Variants in SLC35F3 observed in about 807,000 individuals in gnomAD.
The protein encoded by SLC35F3 is solute carrier family 35 member F3.
In SLC35F3, 25 loss-of-function variants were observed where a neutral mutation model predicts 49.9. The observed-to-expected ratio is 0.50, with a 90% CI of 0.37 to 0.70. The LOEUF (loss-of-function observed/expected upper bound fraction) is 0.70, where lower values mean the gene tolerates loss of function less well. Ranked by LOEUF, SLC35F3 falls within the 30% of genes least tolerant of loss-of-function variation. The pLI is 0.00. For missense variants in SLC35F3, 525 were observed against 639.8 expected (o/e 0.82, Z 1.94); for synonymous variants, 275 against 265.4 (o/e 1.04, Z -0.35).
At chr1:234,023,570 T>A (rs533884807) in intron 2 of SLC35F3, among the ~76,000 whole-genome samples, 2 of 151,994 alleles carry the variant, frequency 1.3e-5, no homozygotes, top group African/African-American at 2.4e-5. Flanking sequence ...AGATAGACAC[T>A]CCACTCTCAA....
chr1:233,960,636 T>C (rs1463013024), intron 2 of SLC35F3, among the ~76,000 whole-genome samples: 1 of 152,208 alleles, frequency 6.6e-6, no homozygotes, highest in East Asian at 1.9e-4. Context: ...AGTTAGATCA[T>C]TTCTCATATT....
chr1:234,242,226 T>G (rs904767082), intron 3 of SLC35F3, among the ~76,000 whole-genome samples: 1 of 152,240 alleles, frequency 6.6e-6, no homozygotes, highest in Non-Finnish European at 1.5e-5. Context: ...TGTGTCTACT[T>G]CAAGCATGAA....
intron 2 of SLC35F3, among the ~76,000 whole-genome samples, chr1:234,095,998 C>T (rs1665111452): frequency 6.6e-6 from 1 of 152,160 alleles, no homozygotes; most frequent in African/African-American, 2.4e-5. Context: ...AGAGATTTTG[C>T]TTCCATTTCT....
intron 2 of SLC35F3, among the ~76,000 whole-genome samples, chr1:234,096,885 CTTTT>C (rs34404610): frequency 7.6e-6 from 1 of 132,102 alleles, no homozygotes. Context: ...TTGTTAAATT[CTTTT>C]TTTTTTTTTT....
chr1:233,944,124 A>G (rs1232376236), intron 2 of SLC35F3, among the ~76,000 whole-genome samples: 1 of 152,188 alleles, frequency 6.6e-6, no homozygotes, highest in Non-Finnish European at 1.5e-5. Context: ...TCATAACTAA[A>G]AGAACTAGAA....
At chr1:234,146,845 A>G (rs1299424714) in intron 2 of SLC35F3, among the ~76,000 whole-genome samples, 7 of 152,004 alleles carry the variant, frequency 4.6e-5, no homozygotes, top group Admixed American at 4.6e-4. Context: ...TTTCAGTATC[A>G]ATATGATTTT....
chr1:234,206,810 T>C (rs973056433), intron 2 of SLC35F3, among the ~76,000 whole-genome samples: 1 of 152,104 alleles, frequency 6.6e-6, no homozygotes, highest in Non-Finnish European at 1.5e-5. Flanking sequence ...TGAAACTGGG[T>C]CTGCCCAACG....
At chr1:233,984,669 T>C in intron 2 of SLC35F3, among the ~76,000 whole-genome samples, 1 of 152,190 alleles carries the variant, frequency 6.6e-6, no homozygotes, top group South Asian at 2.1e-4. Context: ...TGTCTCTGGC[T>C]CGTGAGTGTG....
chr1:234,143,504 G>C (rs1032900690), intron 2 of SLC35F3, among the ~76,000 whole-genome samples: 3 of 151,924 alleles, frequency 2.0e-5, no homozygotes, highest in Non-Finnish European at 2.9e-5. Context: ...TGGCCAGGCT[G>C]GTCTGAACTC....
intron 3 of SLC35F3, among the ~76,000 whole-genome samples, chr1:234,306,175 T>C (rs1234072053): frequency 6.6e-6 from 1 of 152,208 alleles, no homozygotes; most frequent in Non-Finnish European, 1.5e-5. Context: ...TTGTTTGTTT[T>C]TTGAGATGGA....
chr1:233,953,447 T>A (rs183470220), intron 2 of SLC35F3, among the ~76,000 whole-genome samples: 1 of 152,324 alleles, frequency 6.6e-6, no homozygotes, highest in African/African-American at 2.4e-5. Context: ...TCAGTAATGA[T>A]TGTGGGTCTG....
intron 3 of SLC35F3, among the ~76,000 whole-genome samples, chr1:234,306,084 A>G (rs1657167078): frequency 6.6e-6 from 1 of 152,238 alleles, no homozygotes; most frequent in African/African-American, 2.4e-5. Context: ...ATTCATGTTC[A>G]TCATCTGTCT....
At chr1:233,955,536 G>A (rs1309070042) in intron 2 of SLC35F3, among the ~76,000 whole-genome samples, 1 of 152,070 alleles carries the variant, frequency 6.6e-6, no homozygotes, top group Non-Finnish European at 1.5e-5. Flanking sequence ...GGGATCCAGA[G>A]GACACGTATG....
intron 2 of SLC35F3, among the ~76,000 whole-genome samples, chr1:233,994,241 T>C (rs1663421217): frequency 1.3e-5 from 2 of 152,328 alleles, no homozygotes; most frequent in South Asian, 4.1e-4. Context: ...CTAGGTAGGA[T>C]CTGAGTACAT....
At chr1:234,253,973 T>C (rs1362416720) in intron 3 of SLC35F3, among the ~76,000 whole-genome samples, 1 of 152,222 alleles carries the variant, frequency 6.6e-6, no homozygotes, top group African/African-American at 2.4e-5. Flanking sequence ...CTACTGCCTC[T>C]CACATGGGGA....
chr1:233,905,898 C>T, intron 2 of SLC35F3, 140 bp downstream of exon 2: 1 of 774,054 alleles, frequency 1.3e-6, no homozygotes, highest in South Asian at 1.8e-5. Context: ...AGGTTTGCAA[C>T]TTCGAGGAAG....
At chr1:234,023,141 G>A (rs930719191) in intron 2 of SLC35F3, among the ~76,000 whole-genome samples, 5 of 152,112 alleles carry the variant, frequency 3.3e-5, no homozygotes, top group Admixed American at 6.5e-5. Flanking sequence ...TACAAGACTC[G>A]CAGCCCATGG....
At chr1:234,317,865 A>G (rs932863603) in intron 5 of SLC35F3, among the ~76,000 whole-genome samples, 8 of 152,192 alleles carry the variant, frequency 5.3e-5, no homozygotes, top group African/African-American at 1.9e-4. Flanking sequence ...GAGAAACACA[A>G]TCCACAATGA....
chr1:233,994,239 G>C (rs1663421183), intron 2 of SLC35F3, among the ~76,000 whole-genome samples: 1 of 152,184 alleles, frequency 6.6e-6, no homozygotes, highest in South Asian at 2.1e-4. Context: ...GACTAGGTAG[G>C]ATCTGAGTAC....
Sources: allele counts gnomAD v4.1 joint callset (sites outside exome capture counted in the v4.1 genomes callset), GRCh38; gene constraint gnomAD v4.1.1; transcripts MANE v1.5; gene names NCBI Gene and HGNC (gene_info 2026-07-23, HGNC 2026-07-21).